Variants in BICD1 observed in about 807,000 individuals in gnomAD.
BICD1 encodes BICD cargo adaptor 1.
Under a neutral mutation model 92.5 loss-of-function variants are expected in BICD1, and 35 were observed. The observed-to-expected ratio is 0.38, with a 90% CI of 0.29 to 0.50. The LOEUF is 0.50. BICD1 is among the 20% of genes least tolerant of loss of function. BICD1 has a pLI of 0.93. For missense variants in BICD1, 950 were observed against 1,189.8 expected (o/e 0.80, Z 2.97); for synonymous variants, 429 against 465.1 (o/e 0.92, Z 1.00).
chr12:32,236,930 A>G (rs1946090833), intron 2 of BICD1, among the ~76,000 whole-genome samples: 1 of 128,660 alleles, frequency 7.8e-6, no homozygotes, highest in African/African-American at 3.1e-5. Flanking sequence ...GCTGGAGTGC[A>G]TTGGCACAAT....
At chr12:32,363,529 T>C (rs757970398) in intron 8 of BICD1, among the ~76,000 whole-genome samples, 18 of 152,242 alleles carry the variant, frequency 1.2e-4, no homozygotes, top group African/African-American at 1.7e-4. Flanking sequence ...GTCTTATTAC[T>C]GTTACTAAAG....
intron 1 of BICD1, among the ~76,000 whole-genome samples, chr12:32,135,112 G>A (rs1352068012): frequency 2.1e-5 from 2 of 93,530 alleles, no homozygotes; most frequent in African/African-American, 4.3e-5. Flanking sequence ...TTTATGAGAC[G>A]GAGTCTCACT....
At chr12:32,259,170 A>G (rs1239757585) in intron 2 of BICD1, among the ~76,000 whole-genome samples, 1 of 152,200 alleles carries the variant, frequency 6.6e-6, no homozygotes, top group African/African-American at 2.4e-5. Context: ...ACCCGCCGTT[A>G]TTCCTTGGTT....
At chr12:32,365,549 C>T (rs576020572) in intron 8 of BICD1, among the ~76,000 whole-genome samples, 32 of 152,220 alleles carry the variant, frequency 2.1e-4, no homozygotes, top group Admixed American at 1.3e-4. Context: ...GGCCACTACT[C>T]TGCTTTAGAA....
chr12:32,367,633 T>A, intron 8 of BICD1, 37 bp from the exon 9 acceptor site: 4 of 1,594,398 alleles, frequency 2.5e-6, no homozygotes, highest in Non-Finnish European at 3.4e-6. Flanking sequence ...CTCTGTCATC[T>A]CTTTGTACAC....
At chr12:32,317,590 G>T (rs1482920848) in intron 4 of BICD1, among the ~76,000 whole-genome samples, 1 of 152,122 alleles carries the variant, frequency 6.6e-6, no homozygotes, top group African/African-American at 2.4e-5. Context: ...TGAGTTCATT[G>T]TAGATCCTGG....
rs532889983 is a variant in BICD1, at chr12:32,267,915, G to A, written c.427-26079G>A. 5.9e-4 allele frequency among the ~76,000 whole-genome samples: 90 copies of A among 152,270 alleles called. 4 individuals carry two copies. In the South Asian group the frequency reaches 0.018, roughly 30 times the overall value. The stretch of plus-strand genomic sequence containing the variant: ...AACTCCTGGGCTCAAGTGATCCGCC[G>A]CAGCCTCCTGAGTCACTGGGACTAC... On this transcript the variant is annotated intron_variant, in intron 2 of 9. Transcript: ENST00000652176.
chr12:32,221,234 T>A (rs1014827102), intron 2 of BICD1, among the ~76,000 whole-genome samples: 14 of 150,746 alleles, frequency 9.3e-5, no homozygotes, highest in Admixed American at 7.3e-4. Flanking sequence ...CCTAAAACTT[T>A]AAGTATAATA....
At chr12:32,264,662 AT>A (rs1946943579) in intron 2 of BICD1, among the ~76,000 whole-genome samples, 2 of 151,896 alleles carry the variant, frequency 1.3e-5, no homozygotes, top group African/African-American at 4.8e-5. Flanking sequence ...TAATTTTTGT[AT>A]TTTTAGTAGA....
intron 1 of BICD1, among the ~76,000 whole-genome samples, chr12:32,130,236 G>A (rs531335015): frequency 2.0e-5 from 3 of 149,328 alleles, no homozygotes; most frequent in East Asian, 3.9e-4. Context: ...ATGGAGTCTC[G>A]CTCTGTCGCC....
intron 1 of BICD1, among the ~76,000 whole-genome samples, chr12:32,138,076 G>A (rs1802373519): frequency 6.6e-6 from 1 of 152,180 alleles, no homozygotes; most frequent in South Asian, 2.1e-4. Context: ...TGAGATTACA[G>A]GCGTGAGCCA....
At chr12:32,229,762 A>G (rs531367644) in intron 2 of BICD1, among the ~76,000 whole-genome samples, 1 of 152,288 alleles carries the variant, frequency 6.6e-6, no homozygotes, top group East Asian at 1.9e-4. Context: ...AGGGGACGAG[A>G]TGGGCTCACG....
chr12:32,147,897 G>A (rs1190765466), intron 1 of BICD1, among the ~76,000 whole-genome samples: 1 of 152,092 alleles, frequency 6.6e-6, no homozygotes, highest in African/African-American at 2.4e-5. Context: ...GTAGCACTTT[G>A]GGAGGCTGAA....
chr12:32,145,199 G>T (rs1226586667), intron 1 of BICD1, among the ~76,000 whole-genome samples: 1 of 152,094 alleles, frequency 6.6e-6, no homozygotes, highest in African/African-American at 2.4e-5. Context: ...GAATAAAAAA[G>T]CCATAATGTT....
intron 8 of BICD1, among the ~76,000 whole-genome samples, chr12:32,355,798 ACT>A (rs1411974940): frequency 6.6e-6 from 1 of 150,820 alleles, no homozygotes; most frequent in Non-Finnish European, 1.5e-5. Context: ...ACGGAGCAAG[ACT>A]CTGTCTCAAA....
chr12:32,161,468 G>C (rs779874968), intron 1 of BICD1, among the ~76,000 whole-genome samples: 3 of 152,106 alleles, frequency 2.0e-5, no homozygotes, highest in Non-Finnish European at 4.4e-5. Context: ...GAAAGTCTTG[G>C]ATGTTTTACA....
intron 2 of BICD1, among the ~76,000 whole-genome samples, chr12:32,271,393 G>A (rs1947138323): frequency 6.6e-6 from 1 of 152,156 alleles, no homozygotes; most frequent in African/African-American, 2.4e-5. Context: ...AAGGTTGACT[G>A]GGAGACTGAG....
intron 1 of BICD1, among the ~76,000 whole-genome samples, chr12:32,161,394 T>C (rs1168102747): frequency 6.6e-6 from 1 of 152,252 alleles, no homozygotes; most frequent in Non-Finnish European, 1.5e-5. Flanking sequence ...TGTATTTTTT[T>C]CTTCATCTTT....
chr12:32,326,263 A>G (rs1239569), intron 4 of BICD1, among the ~76,000 whole-genome samples: 87,999 of 151,700 alleles, frequency 0.58, 26,037 homozygotes, highest in Middle Eastern at 0.68. Flanking sequence ...CTTATAGAAC[A>G]ATAATGTAAA....
Sources: allele counts gnomAD v4.1 joint callset (sites outside exome capture counted in the v4.1 genomes callset), GRCh38; gene constraint gnomAD v4.1.1; transcripts MANE v1.5; gene names NCBI Gene and HGNC (gene_info 2026-07-23, HGNC 2026-07-21).